IL1RL2: variants seen among roughly 807,000 people sequenced by gnomAD.
IL1RL2 encodes interleukin-1 receptor-like 2.
A neutral mutation model predicts 66.8 loss-of-function variants in IL1RL2; 68 were observed. That is an observed-to-expected ratio of 1.02 (90% CI 0.84 to 1.25). IL1RL2 has a LOEUF of 1.25. Among genes scored for constraint, IL1RL2 ranks in the 50% most tolerant of loss-of-function variants. The pLI is 0.00. For missense variants in IL1RL2, 729 were observed against 709.3 expected (o/e 1.03, Z -0.32); for synonymous variants, 305 against 264.6 (o/e 1.15, Z -1.48).
intron 4 of IL1RL2, among the ~76,000 whole-genome samples, chr2:102,200,117 CA>C (rs35208716): frequency 0.25 from 23,424 of 94,668 alleles, 1,814 homozygotes; most frequent in South Asian, 0.38. Flanking sequence ...CCTGTTCCAG[CA>C]AAAAAAAAAA....
chr2:102,199,179 T>A (rs945353175), intron 4 of IL1RL2, among the ~76,000 whole-genome samples: 7 of 152,226 alleles, frequency 4.6e-5, no homozygotes, highest in Admixed American at 1.3e-4. Flanking sequence ...TTAGGTTCCA[T>A]TTGGTCTCAG....
chr2:102,203,025 A>G (rs1286651033), intron 5 of IL1RL2, among the ~76,000 whole-genome samples: 4 of 152,142 alleles, frequency 2.6e-5, no homozygotes, highest in African/African-American at 9.7e-5. Flanking sequence ...TCTGTCACAT[A>G]TGGCTTTTAT....
intron 1 of IL1RL2, 195 bp downstream of exon 1, chr2:102,187,281 G>A: frequency 8.5e-6 from 10 of 1,175,684 alleles, no homozygotes; most frequent in Non-Finnish European, 1.1e-5. Flanking sequence ...TGGAGCTCGC[G>A]GCTATTTTCA....
Position 102,225,932 on chromosome 2 carries a change from T to C in IL1RL2, c.1026T>C (p.Leu342=). The C allele has an allele frequency of 6.2e-7, 1 of 1,605,214 alleles. No homozygotes were observed. Among genetic ancestry groups the C allele is most frequent in the Non-Finnish European group, 8.5e-7 (1 of 1,175,416 alleles). The part of the protein sequence containing the change: ...PDFRAYLIGG[L]IALVAVAVSV... ...TTCGAGCTTACTTGATAGGAGGGCT[T>C]ATCGCCTTGGTGGCTGTGGCTGTGT... is the stretch of plus-strand genomic sequence containing the variant. Residue 342 remains leucine, a synonymous_variant, in exon 9 of 12, where the codon CTT becomes CTC. Transcript: ENST00000264257.
At chr2:102,197,233 G>C (rs1687864017) in intron 4 of IL1RL2, among the ~76,000 whole-genome samples, 1 of 152,140 alleles carries the variant, frequency 6.6e-6, no homozygotes, top group Non-Finnish European at 1.5e-5. Context: ...TCTGCTCTCT[G>C]GTTGAAGGCT....
At chr2:102,219,804 A>G in intron 7 of IL1RL2, 77 bp from the exon 8 acceptor site, 1 of 1,399,440 alleles carries the variant, frequency 7.1e-7, no homozygotes, top group South Asian at 1.3e-5. Context: ...AAAACACTTT[A>G]TCTCCAGAAA....
intron 10 of IL1RL2, 35 bp from the exon 11 acceptor site, chr2:102,234,862 G>T: frequency 6.3e-7 from 1 of 1,577,802 alleles, no homozygotes; most frequent in African/African-American, 1.4e-5. Flanking sequence ...TGTTTTAATT[G>T]TGAGTTCTTC....
Position 102,200,947 on chromosome 2 carries a change from A to G in IL1RL2, c.490-609A>G, listed in dbSNP as rs76903613. ...CCTTTGATCACTGTTCAGACCTTCA[A>G]ATTGGATGTTGGTGAAGAATTATTT... On this transcript the variant is annotated intron_variant, in intron 4 of 11. Coordinates refer to ENST00000264257, the MANE Select transcript of IL1RL2 (RefSeq NM_003854.4). Among the ~76,000 whole-genome samples, 34 of 152,224 alleles carry G rather than the reference A, an allele frequency of 2.2e-4. No individual in the cohort carries two copies. The East Asian group carries it at 6.0e-3, about 27-fold the overall frequency.
chr2:102,219,129 C>T lies in IL1RL2; in HGVS notation c.854+47C>T, dbSNP rs370939624. The T allele has an allele frequency of 3.1e-6, 5 of 1,608,302 alleles. No homozygotes were observed. In the African/African-American group the frequency reaches 5.4e-5, roughly 17 times the overall value. ...CTTCTCTAAACGCTAGCAAGGATTTCTCCATCTAAGTGAATCTGGTATCAC... is the reference window on the plus strand; with the variant it reads ...CTTCTCTAAACGCTAGCAAGGATTTTTCCATCTAAGTGAATCTGGTATCAC... On this transcript the variant is annotated intron_variant, in intron 7 of 11. Coordinates refer to ENST00000264257, the MANE Select transcript of IL1RL2 (RefSeq NM_003854.4).
chr2:102,227,029 A>C (rs542378644), intron 9 of IL1RL2, among the ~76,000 whole-genome samples: 1 of 151,934 alleles, frequency 6.6e-6, no homozygotes, highest in South Asian at 2.1e-4. Flanking sequence ...TGTGATCCTG[A>C]CTCTCTGAGA....
At chr2:102,196,638 G>T (rs1375628721) in intron 4 of IL1RL2, among the ~76,000 whole-genome samples, 1 of 152,174 alleles carries the variant, frequency 6.6e-6, no homozygotes, top group East Asian at 1.9e-4. Context: ...CAGACCCTGG[G>T]AATGTCCATG....
At chr2:102,217,347 C>A in intron 6 of IL1RL2, among the ~76,000 whole-genome samples, 1 of 152,124 alleles carries the variant, frequency 6.6e-6, no homozygotes. Flanking sequence ...AAGCAACTTA[C>A]AGATTCAATG....
At chr2:102,226,977 G>C (rs1052380228) in intron 9 of IL1RL2, among the ~76,000 whole-genome samples, 7 of 152,194 alleles carry the variant, frequency 4.6e-5, no homozygotes, top group Non-Finnish European at 1.0e-4. Flanking sequence ...TAGTCTGTGG[G>C]CCTATGTCCT....
At chr2:102,195,641 C>T (rs373706881) in intron 4 of IL1RL2, among the ~76,000 whole-genome samples, 4 of 31,690 alleles carry the variant, frequency 1.3e-4, no homozygotes, top group Non-Finnish European at 1.6e-4. Flanking sequence ...CTCTCTCTCT[C>T]TCTCTCTTTC....
chr2:102,240,936 G>GACAA (rs1675213254), downstream of IL1RL2, among the ~76,000 whole-genome samples: 1 of 152,242 alleles, frequency 6.6e-6, no homozygotes, highest in South Asian at 2.1e-4. Context: ...TGAGACACAG[G>GACAA]ACAAACAAGG....
In IL1RL2 at chr2:102,201,653, A is replaced by G; in HGVS notation, c.587A>G (p.Gln196Arg). The change falls in exon 5 of 12, where the codon CAA becomes CGA. Residue 196 changes from glutamine (Q) to arginine (R), a missense_variant. Coordinates refer to ENST00000264257, the MANE Select transcript of IL1RL2 (RefSeq NM_003854.4). ...GAGGACAGAGGGAACTACGCGTGTC[A>G]AGCCATACTGACACACTCAGGGAAG... ...SAEDRGNYACQAILTHSGKQY... is the reference protein window; with the variant it reads ...SAEDRGNYACRAILTHSGKQY... 1 of 1,614,088 alleles carries G rather than the reference A, an allele frequency of 6.2e-7. No homozygotes were observed. Among genetic ancestry groups the G allele is most frequent in the Non-Finnish European group, 8.5e-7 (1 of 1,180,004 alleles).
intron 6 of IL1RL2, among the ~76,000 whole-genome samples, chr2:102,218,619 A>T (rs937587314): frequency 6.6e-6 from 1 of 152,212 alleles, no homozygotes; most frequent in African/African-American, 2.4e-5. Flanking sequence ...TGTTTTGAAG[A>T]TTCAAAGACT....
rs758657337 is a variant in IL1RL2 at position 102,212,174 on chromosome 2, G to A, written c.724G>A (p.Gly242Ser). 1 of 1,603,412 alleles carries A rather than the reference G, an allele frequency of 6.2e-7. No homozygotes were observed. Among genetic ancestry groups the A allele is most frequent in the Non-Finnish European group, 8.5e-7 (1 of 1,170,430 alleles). Residue 242 changes from glycine (G) to serine (S), a missense_variant and splice_region_variant, in exon 6 of 12, where the codon GGT (glycine) becomes AGT (serine). Transcript: ENST00000264257. ...PKNHSIEVQL[G>S]TTLIVDCNVT... The stretch of plus-strand genomic sequence containing the variant: ...AAATCATTCAATTGAAGTACAGCTT[G>A]GTGAGTAAAATTATTGAAGCCATTG...
At chr2:102,214,586 A>G (rs1349842080) in intron 6 of IL1RL2, among the ~76,000 whole-genome samples, 1 of 152,202 alleles carries the variant, frequency 6.6e-6, no homozygotes, top group Non-Finnish European at 1.5e-5. Flanking sequence ...ATGTTCCTAA[A>G]TAGAAACACT....
Sources: allele counts gnomAD v4.1 joint callset (sites outside exome capture counted in the v4.1 genomes callset), GRCh38; gene constraint gnomAD v4.1.1; transcripts MANE v1.5; gene names NCBI Gene and HGNC (gene_info 2026-07-23, HGNC 2026-07-21).